The following PLEKHA4 variants were observed in gnomAD, a reference collection of about 807,000 sequenced individuals.
The protein encoded by PLEKHA4 is pleckstrin homology domain containing A4, also known as pleckstrin homology domain-containing family A member 4.
Under a neutral mutation model 94.7 loss-of-function variants are expected in PLEKHA4, and 73 were observed. That is an observed-to-expected ratio of 0.77 (90% CI 0.64 to 0.94). The LOEUF is 0.94. PLEKHA4 is among the 40% of genes least tolerant of loss of function. The pLI, the probability that PLEKHA4 is intolerant of heterozygous loss-of-function variation, is 0.00. For synonymous variants in PLEKHA4, 449 were observed against 437.1 expected (o/e 1.03, Z -0.34); for missense variants, 1,049 against 1,054.1 (o/e 1.00, Z 0.07).
intron 6 of PLEKHA4, 134 bp from the exon 7 acceptor site, chr19:48,859,818 C>T: frequency 2.4e-6 from 2 of 820,938 alleles, no homozygotes; most frequent in Non-Finnish European, 3.9e-6. Flanking sequence ...CCCCCTTCTT[C>T]AGAAGGGGAA....
At chr19:48,855,202 G>C (rs2036355862) in intron 9 of PLEKHA4, among the ~76,000 whole-genome samples, 1 of 151,788 alleles carries the variant, frequency 6.6e-6, no homozygotes, top group South Asian at 2.1e-4. Flanking sequence ...ACTCACTCCT[G>C]TAATCCCAAA....
chr19:48,858,781 A>C, intron 8 of PLEKHA4, 79 bp downstream of exon 8: 1 of 1,480,532 alleles, frequency 6.8e-7, no homozygotes, highest in South Asian at 1.1e-5. Context: ...CCCAGGGAGC[A>C]ATGGCCTTGA....
In PLEKHA4 at chr19:48,853,882, A is replaced by G. The variant is rs779998498; in HGVS notation, c.1177-51T>C. 16 of 1,587,094 alleles carry G rather than the reference A, an allele frequency of 1.0e-5. No individual in the cohort carries two copies. The Admixed American group carries it at 2.0e-4, about 20-fold the overall frequency. Reference sequence around the variant, plus strand: ...ACTTCAGAAGCCATGCCTAGCCCCAAGAAGAAAGAAAAGATGTCCTTTCAC... The same window carrying G: ...ACTTCAGAAGCCATGCCTAGCCCCAGGAAGAAAGAAAAGATGTCCTTTCAC... On this transcript the variant is annotated intron_variant, in intron 11 of 19. Transcript: ENST00000263265.
Position 48,845,633 on chromosome 19 carries a change from AG to A in PLEKHA4, c.1567-18del. The A allele has an allele frequency of 1.3e-6, 2 of 1,509,280 alleles. No homozygotes were observed. The highest frequency in any genetic ancestry group is 1.8e-6 in the Non-Finnish European group (2 of 1,114,396). The allele number at this position is 1,509,280 out of a possible 1,614,324, so 93.5% of individuals were successfully genotyped here. On this transcript the variant is annotated intron_variant, in intron 14 of 19. Transcript: ENST00000263265. ...TGGCAGGCTCTGCGGGGATTAGAAA[AG>A]GGGGATAATGATGATCATTATAATA...
chr19:48,847,835 A>T, intron 14 of PLEKHA4, 65 bp downstream of exon 14: 1 of 1,489,840 alleles, frequency 6.7e-7, no homozygotes, highest in Non-Finnish European at 9.0e-7. Flanking sequence ...TGGGTGGGGA[A>T]TAGACTGAGT....
Position 48,860,567 on chromosome 19 carries a change from C to A in PLEKHA4, c.367-108G>T, listed in dbSNP as rs558658301. Reference sequence around the variant, plus strand: ...AACCCAGTGCTTTGGGAGGCCGATGCGGGAGGATGGCTTGAGACCAGCCTA... The same window carrying A: ...AACCCAGTGCTTTGGGAGGCCGATGAGGGAGGATGGCTTGAGACCAGCCTA... On this transcript the variant is annotated intron_variant, in intron 5 of 19. Coordinates refer to ENST00000263265, the MANE Select transcript of PLEKHA4 (RefSeq NM_020904.3). The A allele has an allele frequency of 4.3e-4, 341 of 787,100 alleles. 3 individuals are homozygous for A. The South Asian group carries it at 5.1e-3, about 12-fold the overall frequency. 48.8% of individuals were successfully genotyped at this position (787,100 alleles called of 1,614,324 possible).
At chr19:48,839,726 T>C (rs1055523559) in intron 17 of PLEKHA4, among the ~76,000 whole-genome samples, 2 of 151,918 alleles carry the variant, frequency 1.3e-5, no homozygotes, top group Non-Finnish European at 2.9e-5. Context: ...ACTTTACCTG[T>C]GTTCCTATAA....
At chr19:48,851,392 A>G (rs903203699) in intron 13 of PLEKHA4, among the ~76,000 whole-genome samples, 9 of 151,954 alleles carry the variant, frequency 5.9e-5, no homozygotes, top group Non-Finnish European at 1.2e-4. Context: ...CGAGGCAGGC[A>G]GATCACCTGA....
chr19:48,844,157 T>G (rs943524627), intron 16 of PLEKHA4, among the ~76,000 whole-genome samples: 4 of 100,972 alleles, frequency 4.0e-5, no homozygotes, highest in African/African-American at 1.4e-4. Flanking sequence ...TTATTATTAT[T>G]ATTATTATTA....
At chr19:48,866,349 C>A (rs1244842577) in intron 2 of PLEKHA4, among the ~76,000 whole-genome samples, 4 of 152,162 alleles carry the variant, frequency 2.6e-5, no homozygotes, top group South Asian at 4.2e-4. Flanking sequence ...CTCTGTCCCC[C>A]AGGCTGGAGC....
chr19:48,864,444 C>T (rs544643271), intron 3 of PLEKHA4, among the ~76,000 whole-genome samples: 63 of 152,056 alleles, frequency 4.1e-4, no homozygotes, highest in Admixed American at 9.8e-4. Flanking sequence ...TTTGAATTAC[C>T]GGCATGACCC....
chr19:48,859,414 T>G (rs1394432780), intron 7 of PLEKHA4, 55 bp downstream of exon 7: 7 of 1,588,542 alleles, frequency 4.4e-6, no homozygotes, highest in African/African-American at 4.0e-5. Flanking sequence ...CCCAACCAGT[T>G]TCCGGCCCTG....
intron 16 of PLEKHA4, among the ~76,000 whole-genome samples, chr19:48,843,304 G>A (rs977053457): frequency 9.3e-5 from 14 of 151,190 alleles, no homozygotes; most frequent in Non-Finnish European, 1.6e-4. Context: ...TCAGCCTCCC[G>A]AGTAGCTGGG....
chr19:48,851,925 C>T lies in PLEKHA4; in HGVS notation c.1425+303G>A, dbSNP rs189593070. ...CGCTACTGCACTCCAGCCTGGGCGA[C>T]AGAGTGAGACTGTCTTAAAAACAAA... On this transcript the variant is annotated intron_variant, in intron 13 of 19. Transcript: ENST00000263265. Among the ~76,000 whole-genome samples, 17 of 152,078 alleles carry T rather than the reference C, an allele frequency of 1.1e-4. 1 individual carries two copies. The East Asian group carries it at 3.3e-3, about 29-fold the overall frequency.
rs1180232133 is a variant in PLEKHA4 at position 48,837,848 on chromosome 19, G to A, written c.2077+169C>T. Among the ~76,000 whole-genome samples, 4 of 150,574 alleles carry A rather than the reference G, an allele frequency of 2.7e-5. No individual in the cohort carries two copies. Among genetic ancestry groups the A allele is most frequent in the African/African-American group, 9.8e-5 (4 of 40,778 alleles). On this transcript the variant is annotated intron_variant, in intron 19 of 19. Transcript: ENST00000263265. This position sits in a 1 kb window ranked among gnomAD's most constrained non-coding sequence, Gnocchi z 4.3. ...CTCCTCCCAAGTGTCCCGGACCCCA[G>A]TCACCTCTTGCCTGAGACCTAAAAC...
chr19:48,855,847 G>A (rs1010244434), intron 9 of PLEKHA4, among the ~76,000 whole-genome samples: 13 of 151,662 alleles, frequency 8.6e-5, no homozygotes, highest in African/African-American at 1.9e-4. Context: ...TGGGTAACAT[G>A]GCAAAACCCT....
chr19:48,849,307 GGTT>G lies in PLEKHA4; in HGVS notation c.1426-1270_1426-1268del, dbSNP rs781611408. On this transcript the variant is annotated intron_variant, in intron 13 of 19. Coordinates refer to ENST00000263265, the MANE Select transcript of PLEKHA4 (RefSeq NM_020904.3). ...GCATCAATGGTTTTTTGTTTTTTGG[GGTT>G]GTTGTTGTTGTTTTTTAAGATGGAG... Among the ~76,000 whole-genome samples, 385 of 151,680 alleles carry G rather than the reference GGTT, an allele frequency of 2.5e-3. 2 individuals carry two copies. Among genetic ancestry groups the G allele is most frequent in the African/African-American group, 8.7e-3 (360 of 41,382 alleles).
rs2036560132 is a variant in PLEKHA4, at chr19:48,859,635, C to T, written c.526G>A (p.Gly176Ser). Reference protein sequence around the residue: ...ARPQPGEGPGGPGGPPEVSRG... With the variant: ...ARPQPGEGPGSPGGPPEVSRG... ...CTCACCTCCGGGGGACCACCGGGGCCGCCGGGGCCCTCCCCGGGCTGGGGT... is the reference window on the plus strand; with the variant it reads ...CTCACCTCCGGGGGACCACCGGGGCTGCCGGGGCCCTCCCCGGGCTGGGGT... The change falls in exon 7 of 20, where the codon GGC becomes AGC. Residue 176 changes from glycine (G) to serine (S), a missense_variant. Physicochemically the swap from Gly to Ser is moderately conservative, Grantham distance 56. Transcript: ENST00000263265. The T allele has an allele frequency of 6.2e-7, 1 of 1,612,728 alleles. No homozygotes were observed. Among genetic ancestry groups the T allele is most frequent in the Non-Finnish European group, 8.5e-7 (1 of 1,179,958 alleles).
chr19:48,841,731 G>A (rs2122899756), intron 16 of PLEKHA4, among the ~76,000 whole-genome samples: 1 of 152,074 alleles, frequency 6.6e-6, no homozygotes, highest in South Asian at 2.1e-4. Context: ...GAGGTGGGAG[G>A]ATCACTTGCG....
Sources: gnomAD v4.1 joint callset for allele counts (sites outside exome capture counted in the v4.1 genomes callset) on GRCh38, gnomAD v4.1.1 for gene constraint, Gnocchi (gnomAD v3.1) non-coding constraint, MANE v1.5 for transcripts, NCBI Gene and HGNC (gene_info 2026-07-23, HGNC 2026-07-21) for gene names.